The following DGKD variants were observed in gnomAD, a reference collection of about 807,000 sequenced individuals.
DGKD encodes the protein diacylglycerol kinase delta.
Under a neutral mutation model 154.4 loss-of-function variants are expected in DGKD, and 68 were observed. The ratio of observed to expected loss-of-function variants is 0.44; its 90% CI spans 0.36 to 0.54. DGKD has a LOEUF of 0.54. DGKD is among the 20% of genes least tolerant of loss of function. The pLI is 0.00. For missense variants in DGKD, 1,343 were observed against 1,593.6 expected (o/e 0.84, Z 2.68); for synonymous variants, 693 against 638.0 (o/e 1.09, Z -1.30).
intron 12 of DGKD, 87 bp downstream of exon 12, chr2:233,446,883 G>A (rs2063093242): frequency 6.8e-7 from 1 of 1,468,340 alleles, no homozygotes. Flanking sequence ...CTCCCTTGCA[G>A]AGACGCCTCC....
intron 3 of DGKD, among the ~76,000 whole-genome samples, chr2:233,416,273 C>A (rs760166648): frequency 5.9e-5 from 9 of 152,118 alleles, no homozygotes; most frequent in Non-Finnish European, 1.3e-4. Context: ...TGTGTGGTAG[C>A]CATTCTGTGG....
In DGKD at chr2:233,462,394, G is replaced by T; in HGVS notation, c.3028G>T (p.Ala1010Ser). The T allele has an allele frequency of 1.9e-6, 3 of 1,605,112 alleles. No individual in the cohort carries two copies. The highest frequency in any genetic ancestry group is 2.6e-6 in the Non-Finnish European group (3 of 1,172,716). The change falls in exon 25 of 30, where the codon GCC becomes TCC. Residue 1010 changes from alanine (A) to serine (S), a missense_variant. By Grantham distance (99) the Ala-to-Ser change is moderately conservative (BLOSUM62 1). Transcript: ENST00000264057. ...QSHRDMEQELAHAVNASSKSM... is the reference protein window; with the variant it reads ...QSHRDMEQELSHAVNASSKSM... ...TCACCGGGACATGGAGCAGGAACTG[G>T]CCCACGCCGTCAATGCCAGCTCCAA... is the stretch of plus-strand genomic sequence containing the variant.
In DGKD at chr2:233,449,257, G is replaced by T. The variant is rs748647425; in HGVS notation, c.1769G>T (p.Arg590Leu). 6.2e-7 allele frequency: 1 copy of T among 1,613,522 alleles called. No individual in the cohort carries two copies. Among genetic ancestry groups the T allele is most frequent in the Non-Finnish European group, 8.5e-7 (1 of 1,179,802 alleles). ...SGSICGSTGD[R>L]LVASACPARP... ...AGCATCTGCGGTTCCACCGGAGACC[G>T]CTTGGTGGCATCAGCTTGCCCGGCC... Residue 590 changes from arginine (R) to leucine (L), a missense_variant, in exon 15 of 30, where the codon CGC becomes CTC. Arg to Leu is a moderately radical substitution (Grantham distance 102, BLOSUM62 -2). This residue lies in a region of DGKD where 409 missense variants were observed against 446.0 expected (regional missense o/e 0.92). Transcript: ENST00000264057. This position sits in a 1 kb window ranked among gnomAD's most constrained non-coding sequence, Gnocchi z 5.3.
intron 3 of DGKD, among the ~76,000 whole-genome samples, chr2:233,430,220 A>G (rs774924120): frequency 1.1e-4 from 16 of 152,250 alleles, no homozygotes; most frequent in Non-Finnish European, 1.5e-4. Context: ...GGGCAATTCT[A>G]CTTCTAGGAA....
chr2:233,429,735 C>T (rs2062444462), intron 3 of DGKD, among the ~76,000 whole-genome samples: 1 of 152,246 alleles, frequency 6.6e-6, no homozygotes, highest in Non-Finnish European at 1.5e-5. Flanking sequence ...AGCAGCAGGG[C>T]AGAAGGCAGA....
intron 1 of DGKD, among the ~76,000 whole-genome samples, chr2:233,375,148 A>G (rs1250588092): frequency 6.6e-6 from 1 of 152,148 alleles, no homozygotes; most frequent in Non-Finnish European, 1.5e-5. Context: ...AAAATTGGCC[A>G]GGCGTGATGG....
At position 233,457,226 on chromosome 2, in the gene DGKD, C is replaced by T. The variant is rs199872485; in HGVS notation, c.2478C>T (p.Asp826=). 6.9e-5 allele frequency: 105 copies of T among 1,517,684 alleles called. No individual in the cohort carries two copies. Among genetic ancestry groups the T allele is most frequent in the African/African-American group, 2.1e-4 (15 of 71,786 alleles). The allele number at this position is 1,517,684 out of a possible 1,614,324, so 94.0% of individuals were successfully genotyped here. The part of the protein sequence containing the change: ...NLEQKVLLEC[D]GRPIPLPSLQ... ...TCTGTGTCTCTGCTGCTCAGTGTGA[C>T]GGGCGACCCATCCCACTCCCCAGTC... is the stretch of plus-strand genomic sequence containing the variant. Residue 826 remains aspartate, a synonymous_variant, in exon 21 of 30, where the codon GAC becomes GAT. Coordinates refer to ENST00000264057, the MANE Select transcript of DGKD (RefSeq NM_152879.3). This position sits in a 1 kb window ranked among gnomAD's most constrained non-coding sequence, Gnocchi z 5.5.
intron 16 of DGKD, among the ~76,000 whole-genome samples, 191 bp downstream of exon 16, chr2:233,450,322 T>G (rs2063232752): frequency 6.6e-6 from 1 of 152,062 alleles, no homozygotes; most frequent in Non-Finnish European, 1.5e-5. Flanking sequence ...GTGTGTGCGG[T>G]CTGTCTTGGT....
chr2:233,385,948 C>G, intron 1 of DGKD: 1 of 471,026 alleles, frequency 2.1e-6, no homozygotes, highest in Non-Finnish European at 4.4e-6. Flanking sequence ...CTTGGGCAGC[C>G]CAAGATCGCA....
intron 3 of DGKD, among the ~76,000 whole-genome samples, chr2:233,396,268 C>G (rs1704020533): frequency 6.6e-6 from 1 of 152,210 alleles, no homozygotes; most frequent in African/African-American, 2.4e-5. Context: ...CTTCCTCACT[C>G]CAGTTTGGGC....
chr2:233,447,985 C>A, intron 12 of DGKD, 102 bp from the exon 13 acceptor site: 1 of 1,571,882 alleles, frequency 6.4e-7, no homozygotes, highest in South Asian at 1.2e-5. Flanking sequence ...CTCATCTTTC[C>A]CAGCTTGTGC....
chr2:233,450,945 C>A lies in DGKD; in HGVS notation c.2062C>A (p.Leu688Met). 1 of 1,606,070 alleles carries A rather than the reference C, an allele frequency of 6.2e-7. No individual in the cohort carries two copies. The change falls in exon 17 of 30, where the codon CTG becomes ATG. Residue 688 changes from leucine to methionine, a missense_variant. Leu to Met is a conservative substitution (Grantham distance 15). Coordinates refer to ENST00000264057, the MANE Select transcript of DGKD (RefSeq NM_152879.3). ...AGTGTCGAAATCTCCGTGTGAAAAG[C>A]TGATCAGCAAAGGGAGTCTGTCCCT... ...RKVSKSPCEK[L>M]ISKGSLSLGS... is the part of the protein sequence containing the mutation.
intron 1 of DGKD, among the ~76,000 whole-genome samples, chr2:233,383,840 G>C (rs555099330): frequency 2.0e-5 from 3 of 152,190 alleles, no homozygotes; most frequent in Non-Finnish European, 2.9e-5. Context: ...GACATAAGCA[G>C]ATATTTACTT....
chr2:233,424,805 T>C (rs1473907271), intron 3 of DGKD, among the ~76,000 whole-genome samples: 2 of 152,220 alleles, frequency 1.3e-5, no homozygotes, highest in Non-Finnish European at 2.9e-5. Context: ...CGCGGTGGAT[T>C]GCCGAGACCT....
intron 1 of DGKD, among the ~76,000 whole-genome samples, chr2:233,377,309 C>T (rs1702630722): frequency 6.6e-6 from 1 of 152,182 alleles, no homozygotes; most frequent in Non-Finnish European, 1.5e-5. Context: ...GTCTTGAACT[C>T]CTAACCTCAG....
chr2:233,376,567 G>T (rs369063004), intron 1 of DGKD, among the ~76,000 whole-genome samples: 209 of 152,158 alleles, frequency 1.4e-3, no homozygotes, highest in African/African-American at 4.8e-3. Context: ...TCCCTTAGGA[G>T]GTCATTGTAT....
At chr2:233,357,816 C>T (rs1701599894) in intron 1 of DGKD, among the ~76,000 whole-genome samples, 1 of 152,158 alleles carries the variant, frequency 6.6e-6, no homozygotes, top group African/African-American at 2.4e-5. Flanking sequence ...GGATTATAAG[C>T]TTGAGCCAAT....
In DGKD at chr2:233,464,209, G is replaced by A. The variant is rs1160395548; in HGVS notation, c.3232G>A (p.Glu1078Lys). 7 of 1,613,530 alleles carry A rather than the reference G, an allele frequency of 4.3e-6. No individual in the cohort carries two copies. Among genetic ancestry groups the A allele is most frequent in the Admixed American group, 1.7e-5 (1 of 60,004 alleles). The part of the protein sequence containing the change: ...QKEQLGSALA[E>K]MDRQLRRLAD... The stretch of plus-strand genomic sequence containing the variant: ...GGAGCAGCTGGGGAGTGCTCTTGCC[G>A]AGATGGACCGACAGCTCAGGAGGCT... The change falls in exon 27 of 30, where the codon GAG becomes AAG. Residue 1078 changes from glutamate (E) to lysine (K), a missense_variant. By Grantham distance (56) the Glu-to-Lys change is moderately conservative. Coordinates refer to ENST00000264057, the MANE Select transcript of DGKD (RefSeq NM_152879.3).
chr2:233,401,635 C>T (rs970664219), intron 3 of DGKD, among the ~76,000 whole-genome samples: 1 of 152,020 alleles, frequency 6.6e-6, no homozygotes, highest in Non-Finnish European at 1.5e-5. Flanking sequence ...GCGCTGTGAA[C>T]TAAGGCTGGG....
Sources: gnomAD v4.1 joint callset for allele counts (sites outside exome capture counted in the v4.1 genomes callset) on GRCh38, gnomAD v4.1.1 for gene constraint, gnomAD v4.1.1 regional missense constraint, Gnocchi (gnomAD v3.1) non-coding constraint, MANE v1.5 for transcripts, NCBI Gene and HGNC (gene_info 2026-07-23, HGNC 2026-07-21) for gene names.